Variants in RBM20 observed in about 807,000 individuals in gnomAD.
RBM20 encodes the protein RNA binding motif protein 20, also known as RNA-binding protein 20.
A neutral mutation model predicts 110.1 loss-of-function variants in RBM20; 51 were observed. The observed-to-expected ratio is 0.46, with a 90% CI of 0.37 to 0.59. RBM20 has a LOEUF of 0.59. Ranked by LOEUF, RBM20 falls within the 20% of genes least tolerant of loss-of-function variation. RBM20 has a pLI of 0.00. For missense variants in RBM20, 1,512 were observed against 1,574.9 expected (o/e 0.96, Z 0.68); for synonymous variants, 589 against 618.2 (o/e 0.95, Z 0.70).
chr10:110,793,687 T>C (rs946790707), intron 5 of RBM20, among the ~76,000 whole-genome samples: 2 of 152,238 alleles, frequency 1.3e-5, no homozygotes, highest in African/African-American at 4.8e-5. Context: ...GCTTGGCTGC[T>C]GTGATTGGCT....
chr10:110,695,111 G>A (rs1862642450), intron 1 of RBM20, among the ~76,000 whole-genome samples: 1 of 152,212 alleles, frequency 6.6e-6, no homozygotes, highest in African/African-American at 2.4e-5. Context: ...TCGTCAGGCA[G>A]TGAGTGAGAT....
chr10:110,688,674 A>C (rs965802884), intron 1 of RBM20, among the ~76,000 whole-genome samples: 2 of 152,254 alleles, frequency 1.3e-5, no homozygotes, highest in East Asian at 3.8e-4. Context: ...AAAAAGCTAC[A>C]AATCAAGCAC....
chr10:110,723,083 G>T (rs1843526460), intron 1 of RBM20, among the ~76,000 whole-genome samples: 1 of 148,788 alleles, frequency 6.7e-6, no homozygotes, highest in South Asian at 2.1e-4. Context: ...CTGCACTCCA[G>T]CCTGGGCGCC....
chr10:110,821,581 T>C lies in RBM20; in HGVS notation c.2962T>C (p.Ser988Pro), dbSNP rs1310507667. ...GTCACCCAGAGAACTGCCCTCTGCT[T>C]CCACAAGCTGTCCCAGTGACATGGA... Reference protein sequence around the residue: ...LKSPRELPSASTSCPSDMDVE... With the variant: ...LKSPRELPSAPTSCPSDMDVE... Residue 988 changes from serine (S) to proline (P), a missense_variant, in exon 11 of 14, where the codon TCC (serine) becomes CCC (proline). By Grantham distance (74) the Ser-to-Pro change is moderately conservative (BLOSUM62 -1). This residue lies in a region of RBM20 where 358 missense variants were observed against 384.2 expected (regional missense o/e 0.93). Coordinates refer to ENST00000369519, the MANE Select transcript of RBM20 (RefSeq NM_001134363.3). 1.3e-6 allele frequency: 2 copies of C among 1,550,744 alleles called. No individual in the cohort carries two copies. Among genetic ancestry groups the C allele is most frequent in the Non-Finnish European group, 1.7e-6 (2 of 1,146,006 alleles).
chr10:110,693,008 C>T (rs184705923), intron 1 of RBM20, among the ~76,000 whole-genome samples: 3 of 152,054 alleles, frequency 2.0e-5, no homozygotes, highest in Admixed American at 6.5e-5. Context: ...TTTTTGACAT[C>T]GATTAGATGC....
chr10:110,782,019 C>T (rs1261035133), intron 2 of RBM20, 135 bp downstream of exon 2: 29 of 1,082,186 alleles, frequency 2.7e-5, no homozygotes, highest in Non-Finnish European at 3.5e-5. Context: ...GTATTCTTGA[C>T]TAAAATCACA....
intron 12 of RBM20, among the ~76,000 whole-genome samples, chr10:110,825,870 A>G (rs932242331): frequency 4.6e-5 from 7 of 152,242 alleles, no homozygotes; most frequent in Admixed American, 3.9e-4. Context: ...TTTAACAGAT[A>G]AAAAATCTGA....
chr10:110,706,907 T>G (rs2134904410), intron 1 of RBM20, among the ~76,000 whole-genome samples: 1 of 152,332 alleles, frequency 6.6e-6, no homozygotes, highest in African/African-American at 2.4e-5. Flanking sequence ...GAAGGAATTC[T>G]CGGTATTCTC....
intron 8 of RBM20, 47 bp from the exon 9 acceptor site, chr10:110,812,226 GTGGGA>G: frequency 6.9e-7 from 1 of 1,444,720 alleles, no homozygotes; most frequent in Non-Finnish European, 9.3e-7. Flanking sequence ...TGTGGGTGGG[GTGGGA>G]TGGGAGGTGT....
intron 2 of RBM20, 130 bp downstream of exon 2, chr10:110,782,014 C>T: frequency 8.7e-7 from 1 of 1,151,786 alleles, no homozygotes; most frequent in Non-Finnish European, 1.2e-6. Context: ...CATCAGTATT[C>T]TTGACTAAAA....
intron 1 of RBM20, among the ~76,000 whole-genome samples, chr10:110,749,872 CA>C (rs958903813): frequency 1.7e-4 from 26 of 152,024 alleles, no homozygotes; most frequent in African/African-American, 6.3e-4. Flanking sequence ...ATGTGAAAAT[CA>C]AAATGTTAAC....
chr10:110,798,729 T>G (rs1590686500), intron 6 of RBM20, among the ~76,000 whole-genome samples: 1 of 152,332 alleles, frequency 6.6e-6, no homozygotes, highest in East Asian at 1.9e-4. Context: ...AGGAAGAGAA[T>G]GAGCTTGTTT....
chr10:110,781,701 C>A lies in RBM20; in HGVS notation c.1092C>A (p.Phe364Leu). ...EPTSDRTPPS[F>L]GGRLNNSKQG... ...CCTCAGACAGGACACCTCCTTCCTTCGGGGGTCGGCTTAACAACAGCAAAC... is the reference window on the plus strand; with the variant it reads ...CCTCAGACAGGACACCTCCTTCCTTAGGGGGTCGGCTTAACAACAGCAAAC... The change falls in exon 2 of 14, where the codon TTC becomes TTA. Residue 364 changes from phenylalanine to leucine, a missense_variant. Physicochemically the swap from Phe to Leu is conservative, Grantham distance 22. Coordinates refer to ENST00000369519, the MANE Select transcript of RBM20 (RefSeq NM_001134363.3). 1 of 1,550,604 alleles carries A rather than the reference C, an allele frequency of 6.4e-7. No homozygotes were observed. Among genetic ancestry groups the A allele is most frequent in the Non-Finnish European group, 8.7e-7 (1 of 1,146,094 alleles).
intron 1 of RBM20, among the ~76,000 whole-genome samples, chr10:110,672,248 G>A (rs929435385): frequency 1.3e-5 from 2 of 152,230 alleles, no homozygotes; most frequent in African/African-American, 2.4e-5. Context: ...GTGAGACTTC[G>A]GCCCCTGGTG....
At chr10:110,752,879 C>A (rs1372243579) in intron 1 of RBM20, among the ~76,000 whole-genome samples, 1 of 145,090 alleles carries the variant, frequency 6.9e-6, no homozygotes, top group Non-Finnish European at 1.5e-5. Flanking sequence ...GTTACATGCT[C>A]TATTCTAGAA....
chr10:110,703,626 G>T (rs1465742705), intron 1 of RBM20, among the ~76,000 whole-genome samples: 2 of 151,894 alleles, frequency 1.3e-5, no homozygotes, highest in East Asian at 1.9e-4. Context: ...TATATATTTA[G>T]CCCTATACAA....
rs1250264103 is a variant in RBM20 at position 110,812,634 on chromosome 10, C to T, written c.2237C>T (p.Pro746Leu). The change falls in exon 9 of 14, where the codon CCC (proline) becomes CTC (leucine). Residue 746 changes from proline (P) to leucine (L), a missense_variant. Physicochemically the swap from Pro to Leu is moderately conservative, Grantham distance 98. Coordinates refer to ENST00000369519, the MANE Select transcript of RBM20 (RefSeq NM_001134363.3). ...KYPRSGSPNL[P>L]HSVSSYKSRE... ...CCGAGATCTGGGTCTCCCAACCTGC[C>T]CCACTCTGTGTCCAGCTACAAAAGC... is the stretch of plus-strand genomic sequence containing the variant. The T allele has an allele frequency of 6.4e-7, 1 of 1,551,626 alleles. No individual in the cohort carries two copies. The highest frequency in any genetic ancestry group is 2.0e-5 in the Admixed American group (1 of 51,014).
At chr10:110,810,816 C>CGTGTGTGCGTGTGTGTGTGCAT (rs1844757276) in intron 8 of RBM20, among the ~76,000 whole-genome samples, 6 of 140,708 alleles carry the variant, frequency 4.3e-5, no homozygotes, top group Admixed American at 3.0e-4. Flanking sequence ...TGTGTGTGTG[C>CGTGTGTGCGTGTGTGTGTGCAT]GTGTGTGCGT....
rs1361202179 is a variant in RBM20, at chr10:110,837,731, G to A, written c.*1753G>A. On this transcript the variant is annotated 3_prime_UTR_variant, in exon 14 of 14. Transcript: ENST00000369519. Reference sequence around the variant, plus strand: ...AAATGAAGAACATAAAATGATCAGTGTAAACCTGAAAGCACGCAGTCATTG... The same window carrying A: ...AAATGAAGAACATAAAATGATCAGTATAAACCTGAAAGCACGCAGTCATTG... 1.3e-5 allele frequency: 2 copies of A among 152,250 alleles called. No individual in the cohort carries two copies. The highest frequency in any genetic ancestry group is 2.4e-5 in the African/African-American group (1 of 41,452). 9.4% of individuals were successfully genotyped at this position (152,250 alleles called of 1,614,324 possible).
Sources: gnomAD v4.1 joint callset for allele counts (sites outside exome capture counted in the v4.1 genomes callset) on GRCh38, gnomAD v4.1.1 for gene constraint, gnomAD v4.1.1 regional missense constraint, MANE v1.5 for transcripts, NCBI Gene and HGNC (gene_info 2026-07-23, HGNC 2026-07-21) for gene names.